Variants in DOCK2 observed in about 807,000 individuals in gnomAD.
DOCK2 encodes dedicator of cytokinesis protein 2.
In DOCK2, 87 loss-of-function variants were observed where a neutral mutation model predicts 248.9. That is an observed-to-expected ratio of 0.35 (90% CI 0.29 to 0.42). The LOEUF (loss-of-function observed/expected upper bound fraction) is 0.42. Ranked by LOEUF, DOCK2 falls within the 10% of genes least tolerant of loss-of-function variation. The pLI, the probability that DOCK2 is intolerant of heterozygous loss-of-function variation, is 1.00. For synonymous variants in DOCK2, 805 were observed against 821.6 expected (o/e 0.98, Z 0.35); for missense variants, 1,747 against 2,300.2 (o/e 0.76, Z 4.92).
intron 27 of DOCK2, among the ~76,000 whole-genome samples, chr5:169,974,193 A>G (rs1431695710): frequency 2.0e-5 from 3 of 152,222 alleles, no homozygotes; most frequent in Non-Finnish European, 4.4e-5. Context: ...TTTCTTATCT[A>G]TCAAGTAAAA....
At chr5:169,939,378 A>G (rs987906439) in intron 27 of DOCK2, among the ~76,000 whole-genome samples, 2 of 152,156 alleles carry the variant, frequency 1.3e-5, no homozygotes, top group Non-Finnish European at 2.9e-5. Context: ...GTCACCTCCT[A>G]TAACAATGCC....
chr5:170,047,406 C>T (rs894665002), intron 39 of DOCK2, 104 bp from the exon 40 acceptor site: 3 of 882,306 alleles, frequency 3.4e-6, no homozygotes, highest in Non-Finnish European at 5.4e-6. Context: ...GCACATGGCT[C>T]ATTGGCTCTG....
At chr5:169,999,571 A>G (rs975248982) in intron 30 of DOCK2, among the ~76,000 whole-genome samples, 1 of 152,192 alleles carries the variant, frequency 6.6e-6, no homozygotes, top group African/African-American at 2.4e-5. Context: ...CACACCCACA[A>G]GATTCTGTAA....
chr5:169,898,907 A>C (rs888580240), intron 27 of DOCK2, among the ~76,000 whole-genome samples: 1 of 152,358 alleles, frequency 6.6e-6, no homozygotes, highest in South Asian at 2.1e-4. Context: ...GAGCAACCAC[A>C]GAGACTAAAG....
chr5:169,996,200 C>T (rs745836644), intron 30 of DOCK2, 36 bp downstream of exon 30: 2 of 1,601,436 alleles, frequency 1.2e-6, no homozygotes, highest in Non-Finnish European at 1.7e-6. Context: ...CTTGGAGCTG[C>T]CCAGGGCGTC....
chr5:169,966,975 G>A (rs1159133982), intron 27 of DOCK2, among the ~76,000 whole-genome samples: 2 of 152,188 alleles, frequency 1.3e-5, no homozygotes, highest in Admixed American at 6.5e-5. Flanking sequence ...CCCAATCTGT[G>A]TCCCACTGAT....
chr5:170,082,719 T>C, intron 51 of DOCK2, 77 bp from the exon 52 acceptor site: 1 of 1,574,476 alleles, frequency 6.4e-7, no homozygotes, highest in East Asian at 2.3e-5. Flanking sequence ...CCCTTGTGAT[T>C]AGGACTGGGA....
intron 26 of DOCK2, among the ~76,000 whole-genome samples, chr5:169,810,064 C>T (rs1767641507): frequency 6.6e-6 from 1 of 152,144 alleles, no homozygotes; most frequent in Non-Finnish European, 1.5e-5. Context: ...GCTCTACCCC[C>T]CGCCCACCCC....
intron 40 of DOCK2, among the ~76,000 whole-genome samples, chr5:170,048,592 C>A (rs533766093): frequency 6.6e-6 from 1 of 152,208 alleles, no homozygotes; most frequent in Non-Finnish European, 1.5e-5. Flanking sequence ...TCTGCTTCTG[C>A]AATCTGTTGC....
At chr5:169,856,505 C>T (rs945468534) in intron 27 of DOCK2, among the ~76,000 whole-genome samples, 8 of 152,176 alleles carry the variant, frequency 5.3e-5, no homozygotes, top group African/African-American at 1.9e-4. Flanking sequence ...GAAACCCACT[C>T]CAGGTCAGCA....
At chr5:169,970,195 C>T (rs991461752) in intron 27 of DOCK2, among the ~76,000 whole-genome samples, 15 of 152,238 alleles carry the variant, frequency 9.9e-5, no homozygotes, top group African/African-American at 2.9e-4. Context: ...ATTTGGATGC[C>T]GTGCACAGAA....
At chr5:170,002,367 G>T (rs1754868337) in intron 30 of DOCK2, among the ~76,000 whole-genome samples, 1 of 152,078 alleles carries the variant, frequency 6.6e-6, no homozygotes, top group Non-Finnish European at 1.5e-5. Flanking sequence ...TGCTAATATA[G>T]AAACATTTGC....
In DOCK2 at chr5:169,852,111, A is replaced by G. The variant is rs1029250283; in HGVS notation, c.2799+11259A>G. ...GGAAAGAGAGAGAAATAGAGTTTGGAAATTGTTCAGCAAGAGCTGGGAAAT... is the reference window on the plus strand; with the variant it reads ...GGAAAGAGAGAGAAATAGAGTTTGGGAATTGTTCAGCAAGAGCTGGGAAAT... On this transcript the variant is annotated intron_variant, in intron 27 of 51. Transcript: ENST00000520908. Among the ~76,000 whole-genome samples, 10 of 152,274 alleles carry G rather than the reference A, an allele frequency of 6.6e-5. No homozygotes were observed. In the East Asian group the frequency reaches 1.9e-3, roughly 29 times the overall value.
chr5:169,998,600 T>G (rs556465401), intron 30 of DOCK2, among the ~76,000 whole-genome samples: 1 of 152,350 alleles, frequency 6.6e-6, no homozygotes, highest in Admixed American at 6.5e-5. Context: ...ATATTTTTTC[T>G]GCTCTAAGGA....
chr5:169,674,215 C>A, intron 5 of DOCK2, 82 bp from the exon 6 acceptor site: 1 of 1,553,184 alleles, frequency 6.4e-7, no homozygotes, highest in Non-Finnish European at 8.7e-7. Context: ...TGACCACACT[C>A]ACCTGACTTT....
intron 33 of DOCK2, among the ~76,000 whole-genome samples, chr5:170,020,118 C>T (rs1262710502): frequency 1.3e-5 from 2 of 152,182 alleles, no homozygotes; most frequent in Non-Finnish European, 2.9e-5. Flanking sequence ...CTCCCGGCTC[C>T]AGCCTTCTGA....
At chr5:170,015,255 A>G (rs149338927) in intron 32 of DOCK2, among the ~76,000 whole-genome samples, 14 of 152,286 alleles carry the variant, frequency 9.2e-5, no homozygotes, top group African/African-American at 3.1e-4. Flanking sequence ...AAGCTTCGAC[A>G]ATTCTATTAG....
intron 22 of DOCK2, among the ~76,000 whole-genome samples, chr5:169,742,786 C>G (rs781300515): frequency 6.6e-6 from 1 of 152,174 alleles, no homozygotes; most frequent in African/African-American, 2.4e-5. Context: ...AGTGAGTGCT[C>G]AGCTGTGCAC....
intron 33 of DOCK2, among the ~76,000 whole-genome samples, chr5:170,020,006 T>C (rs1262542730): frequency 1.3e-5 from 2 of 152,150 alleles, no homozygotes; most frequent in African/African-American, 4.8e-5. Context: ...GATTCCAAAC[T>C]GCCTTTCCTT....
Sources: allele counts gnomAD v4.1 joint callset (sites outside exome capture counted in the v4.1 genomes callset), GRCh38; gene constraint gnomAD v4.1.1; transcripts MANE v1.5; gene names NCBI Gene and HGNC (gene_info 2026-07-23, HGNC 2026-07-21).